The following ADIPOR2 variants were observed in gnomAD, a reference collection of about 807,000 sequenced individuals.
The protein encoded by ADIPOR2 is adiponectin receptor 2.
In ADIPOR2, 18 loss-of-function variants were observed where a neutral mutation model predicts 40.9. That is an observed-to-expected ratio of 0.44 (90% CI 0.30 to 0.65). ADIPOR2 has a LOEUF of 0.65. Ranked by LOEUF, ADIPOR2 falls within the 30% of genes least tolerant of loss-of-function variation. The pLI, the probability that ADIPOR2 is intolerant of heterozygous loss-of-function variation, is 0.09. For synonymous variants in ADIPOR2, 165 were observed against 166.4 expected (o/e 0.99, Z 0.06); for missense variants, 283 against 479.2 (o/e 0.59, Z 3.82).
chr12:1,739,696 G>T (rs878931643), intron 1 of ADIPOR2, among the ~76,000 whole-genome samples: 1 of 152,142 alleles, frequency 6.6e-6, no homozygotes, highest in Admixed American at 6.5e-5. Flanking sequence ...TTATAATCTG[G>T]CCTTTTATTA....
At chr12:1,780,349 C>G in intron 4 of ADIPOR2, 102 bp from the exon 5 acceptor site, 3 of 1,199,432 alleles carry the variant, frequency 2.5e-6, no homozygotes, top group Non-Finnish European at 3.3e-6. Flanking sequence ...ACTTTTGATT[C>G]AGATATTGTT....
At position 1,715,617 on chromosome 12, in the gene ADIPOR2, C is replaced by T. The variant is rs140277584; in HGVS notation, c.-87+24426C>T. Among the ~76,000 whole-genome samples the T allele has an allele frequency of 4.6e-5, 7 of 152,260 alleles. No homozygotes were observed. In the East Asian group the frequency reaches 5.8e-4, roughly 13 times the overall value. On this transcript the variant is annotated intron_variant, in intron 1 of 7. Transcript: ENST00000357103. ...TACCACTGCAGGGCCCCTTCTTTACCCCTATCCAGCAGGAAGTAGCTAGAG... is the reference window on the plus strand; with the variant it reads ...TACCACTGCAGGGCCCCTTCTTTACTCCTATCCAGCAGGAAGTAGCTAGAG...
chr12:1,742,485 A>G (rs1422302532), intron 1 of ADIPOR2, among the ~76,000 whole-genome samples: 3 of 152,208 alleles, frequency 2.0e-5, no homozygotes, highest in African/African-American at 7.2e-5. Flanking sequence ...TGAAAGAGCG[A>G]GAGCATTCAG....
rs116457081 is a variant in ADIPOR2, at chr12:1,699,460, A to G, written c.-87+8269A>G. Among the ~76,000 whole-genome samples the G allele has an allele frequency of 4.3e-3, 662 of 152,222 alleles. 5 individuals carry two copies. The highest frequency in any genetic ancestry group is 0.015 in the African/African-American group (631 of 41,526). ...TGGCGAAACCCCCGTCTCTACTGAAAATACTAAAACAAAACAAAACAAAAA... is the reference window on the plus strand; with the variant it reads ...TGGCGAAACCCCCGTCTCTACTGAAGATACTAAAACAAAACAAAACAAAAA... On this transcript the variant is annotated intron_variant, in intron 1 of 7. Coordinates refer to ENST00000357103, the MANE Select transcript of ADIPOR2 (RefSeq NM_024551.3).
chr12:1,711,938 G>A (rs1159159717), intron 1 of ADIPOR2, among the ~76,000 whole-genome samples: 2 of 152,128 alleles, frequency 1.3e-5, no homozygotes, highest in Non-Finnish European at 2.9e-5. Context: ...CGAAGGATTA[G>A]ATAAGCATAC....
intron 3 of ADIPOR2, among the ~76,000 whole-genome samples, chr12:1,775,362 T>G (rs538979908): frequency 5.1e-4 from 78 of 152,308 alleles, no homozygotes; most frequent in Admixed American, 1.2e-3. Flanking sequence ...AGAATGAGGG[T>G]GCAGTGTCTG....
intron 1 of ADIPOR2, among the ~76,000 whole-genome samples, chr12:1,729,172 G>C (rs1453610047): frequency 2.0e-5 from 3 of 151,844 alleles, no homozygotes; most frequent in African/African-American, 7.3e-5. Context: ...ATTCTTCCTG[G>C]AATATACTGG....
intron 1 of ADIPOR2, among the ~76,000 whole-genome samples, chr12:1,720,037 C>G (rs138960397): frequency 5.9e-5 from 9 of 152,190 alleles, no homozygotes; most frequent in South Asian, 2.1e-4. Flanking sequence ...AAGAAGGCCT[C>G]CCCATCTTAA....
intron 1 of ADIPOR2, among the ~76,000 whole-genome samples, chr12:1,694,270 T>C (rs1406039164): frequency 6.6e-6 from 1 of 152,250 alleles, no homozygotes; most frequent in Non-Finnish European, 1.5e-5. Context: ...ACAGAGCCTC[T>C]ACTTACATTA....
In ADIPOR2 at chr12:1,787,045, G is replaced by C. The variant is rs925024618; in HGVS notation, c.*973G>C. 1 of 152,168 alleles carries C rather than the reference G, an allele frequency of 6.6e-6. No individual in the cohort carries two copies. Among genetic ancestry groups the C allele is most frequent in the Non-Finnish European group, 1.5e-5 (1 of 68,042 alleles). 9.4% of individuals were successfully genotyped at this position (152,168 alleles called of 1,614,324 possible). A position where few individuals can be genotyped will look rare whatever the true frequency, so the allele number is the denominator to read the frequency against. ...TCCTGGCATCCCGCTCACTTTTATG[G>C]GAAGTCTTATTAGAGGGATGGGACA... On this transcript the variant is annotated 3_prime_UTR_variant, in exon 8 of 8. Transcript: ENST00000357103.
At chr12:1,777,388 T>TC (rs1441326375) in intron 3 of ADIPOR2, among the ~76,000 whole-genome samples, 3 of 145,422 alleles carry the variant, frequency 2.1e-5, no homozygotes, top group Non-Finnish European at 4.6e-5. Flanking sequence ...CTTTCTTTTT[T>TC]TTTTTTTTTT....
At chr12:1,738,598 C>G (rs561000915) in intron 1 of ADIPOR2, among the ~76,000 whole-genome samples, 1 of 152,138 alleles carries the variant, frequency 6.6e-6, no homozygotes, top group Non-Finnish European at 1.5e-5. Context: ...AATGAATTCT[C>G]CAGCCAGCAG....
chr12:1,740,548 T>A (rs1179304800), intron 1 of ADIPOR2, among the ~76,000 whole-genome samples: 2 of 152,216 alleles, frequency 1.3e-5, no homozygotes, highest in East Asian at 3.8e-4. Context: ...AAAGCCTCTA[T>A]TTCCAAATAC....
intron 1 of ADIPOR2, among the ~76,000 whole-genome samples, chr12:1,699,900 G>C (rs1176328354): frequency 1.3e-5 from 2 of 152,180 alleles, no homozygotes; most frequent in African/African-American, 2.4e-5. Flanking sequence ...GTGTTAGAAG[G>C]GGATATATGT....
chr12:1,707,987 T>C (rs554373411), intron 1 of ADIPOR2, among the ~76,000 whole-genome samples: 193 of 152,278 alleles, frequency 1.3e-3, no homozygotes, highest in South Asian at 3.3e-3. Context: ...GCTCCTTGTC[T>C]GAGGGTTCCA....
At chr12:1,744,124 T>C (rs80329069) in intron 1 of ADIPOR2, among the ~76,000 whole-genome samples, 1 of 152,092 alleles carries the variant, frequency 6.6e-6, no homozygotes, top group Admixed American at 6.6e-5. Flanking sequence ...TTTTTTTTTT[T>C]GAGACGGAGT....
chr12:1,701,802 T>G (rs925472536), intron 1 of ADIPOR2, among the ~76,000 whole-genome samples: 1 of 152,222 alleles, frequency 6.6e-6, no homozygotes, highest in African/African-American at 2.4e-5. Flanking sequence ...TGTGCTTACA[T>G]TTAAGATTTT....
At chr12:1,705,901 C>T (rs1406235298) in intron 1 of ADIPOR2, among the ~76,000 whole-genome samples, 1 of 152,174 alleles carries the variant, frequency 6.6e-6, no homozygotes, top group Non-Finnish European at 1.5e-5. Context: ...GGGTCTTCCA[C>T]TTAAGTTTGT....
intron 1 of ADIPOR2, among the ~76,000 whole-genome samples, chr12:1,726,640 C>T (rs1195576459): frequency 2.0e-5 from 3 of 150,832 alleles, no homozygotes; most frequent in African/African-American, 7.3e-5. Context: ...TCACAGTGAT[C>T]CTTGCTTGTC....
Sources: gnomAD v4.1 joint callset for allele counts (sites outside exome capture counted in the v4.1 genomes callset) on GRCh38, gnomAD v4.1.1 for gene constraint, MANE v1.5 for transcripts, NCBI Gene and HGNC (gene_info 2026-07-23, HGNC 2026-07-21) for gene names.